Variants in RFX6 observed in about 807,000 individuals in gnomAD.
The protein encoded by RFX6 is DNA-binding protein RFX6.
Under a neutral mutation model 110.8 loss-of-function variants are expected in RFX6, and 50 were observed. The observed-to-expected ratio is 0.45, with a 90% confidence interval of 0.36 to 0.57. The LOEUF is 0.57. Ranked by LOEUF, RFX6 falls within the 20% of genes least tolerant of loss-of-function variation. The pLI, the probability that RFX6 is intolerant of heterozygous loss-of-function variation, is 0.00. For missense variants in RFX6, 990 were observed against 1,127.0 expected, an observed-to-expected ratio of 0.88 and a Z score of 1.74; for synonymous variants, 383 against 411.2, an observed-to-expected ratio of 0.93 and a Z score of 0.83.
At chr6:116,928,274 C>A (rs1006050100) in intron 17 of RFX6, among the ~76,000 whole-genome samples, 7 of 152,096 alleles carry the variant, frequency 4.6e-5, no homozygotes, top group Non-Finnish European at 5.9e-5. Flanking sequence ...GACCTGTGAC[C>A]TTGAGTCACC....
At chr6:116,928,187 C>A (rs1207998316) in intron 17 of RFX6, among the ~76,000 whole-genome samples, 6 of 151,788 alleles carry the variant, frequency 4.0e-5, no homozygotes, top group Non-Finnish European at 8.8e-5. Flanking sequence ...AATATTTCTT[C>A]CTGATAACTA....
At chr6:116,879,607 C>T (rs13199826) in intron 2 of RFX6, among the ~76,000 whole-genome samples, 54,226 of 151,528 alleles carry the variant, frequency 0.36, 10,694 homozygotes, top group East Asian at 0.51. Context: ...GGGTTTCATC[C>T]AATTTTAATC....
chr6:116,903,224 G>A (rs1483877084), intron 6 of RFX6, among the ~76,000 whole-genome samples: 1 of 152,016 alleles, frequency 6.6e-6, no homozygotes, highest in Non-Finnish European at 1.5e-5. Context: ...GTATCCAGTT[G>A]TTAACATCCA....
chr6:116,901,647 C>G (rs1321873976), intron 6 of RFX6, among the ~76,000 whole-genome samples: 3 of 152,148 alleles, frequency 2.0e-5, no homozygotes, highest in Non-Finnish European at 4.4e-5. Flanking sequence ...TAAAAAAGTG[C>G]TCAATCTAAA....
At chr6:116,891,968 G>A (rs780151067) in intron 4 of RFX6, among the ~76,000 whole-genome samples, 3 of 151,950 alleles carry the variant, frequency 2.0e-5, no homozygotes, top group Non-Finnish European at 4.4e-5. Flanking sequence ...AAAATGAGCA[G>A]TTATGATGGT....
At chr6:116,909,586 C>T (rs1249638377) in intron 6 of RFX6, among the ~76,000 whole-genome samples, 1 of 150,202 alleles carries the variant, frequency 6.7e-6, no homozygotes, top group African/African-American at 2.4e-5. Context: ...ATTAACTATG[C>T]TATTATATCA....
chr6:116,927,806 G>A (rs1204909607), intron 17 of RFX6, among the ~76,000 whole-genome samples: 1 of 146,174 alleles, frequency 6.8e-6, no homozygotes, highest in Non-Finnish European at 1.5e-5. Context: ...GTGCTTGGCA[G>A]GATCATGATT....
intron 16 of RFX6, among the ~76,000 whole-genome samples, chr6:116,926,178 CT>C (rs1775726950): frequency 6.6e-6 from 1 of 152,076 alleles, no homozygotes; most frequent in African/African-American, 2.4e-5. Context: ...ATTAGCCGGG[CT>C]TGGTGGCAGG....
chr6:116,897,614 AT>A (rs1294481406), intron 6 of RFX6, among the ~76,000 whole-genome samples: 1 of 152,202 alleles, frequency 6.6e-6, no homozygotes. Flanking sequence ...TATAAAACTC[AT>A]TCTGACCATG....
chr6:116,896,470 A>C (rs1774946414), intron 6 of RFX6, among the ~76,000 whole-genome samples: 1 of 152,226 alleles, frequency 6.6e-6, no homozygotes, highest in Non-Finnish European at 1.5e-5. Context: ...ACTCTAAATA[A>C]GTTTAAAATG....
chr6:116,920,895 T>C (rs752938802), intron 12 of RFX6, among the ~76,000 whole-genome samples: 1 of 152,204 alleles, frequency 6.6e-6, no homozygotes, highest in Non-Finnish European at 1.5e-5. Context: ...AGTTTTACAT[T>C]ACATGTATAG....
Position 116,927,520 on chromosome 6 carries a change from G to A in RFX6, c.2379G>A (p.Leu793=). ...CTGCCAGCTGCCAAGGAGCAACACT[G>A]CCTCCTAATTCACCAAATGGTATTG... ...TGAASCQGAT[L]PPNSPNGYYG... is the part of the protein sequence containing the mutation. The change falls in exon 17 of 19, where the codon CTG becomes CTA. Residue 793 remains leucine, a synonymous_variant. Transcript: ENST00000332958. 4 of 1,613,598 alleles carry A rather than the reference G, an allele frequency of 2.5e-6. No individual in the cohort carries two copies. Among genetic ancestry groups the A allele is most frequent in the Non-Finnish European group, 3.4e-6 (4 of 1,179,994 alleles).
At chr6:116,908,689 G>C (rs12201923) in intron 6 of RFX6, among the ~76,000 whole-genome samples, 11,958 of 119,098 alleles carry the variant, frequency 0.1, 769 homozygotes, top group African/African-American at 0.18. Context: ...CACACACACA[G>C]ACACACACAC....
chr6:116,889,379 T>C (rs1774771166), intron 4 of RFX6, among the ~76,000 whole-genome samples: 1 of 152,100 alleles, frequency 6.6e-6, no homozygotes, highest in Non-Finnish European at 1.5e-5. Context: ...AAAGATAAAA[T>C]TCTCATCCTC....
intron 4 of RFX6, among the ~76,000 whole-genome samples, chr6:116,883,827 C>CT (rs1354184525): frequency 6.6e-6 from 1 of 152,142 alleles, no homozygotes; most frequent in Non-Finnish European, 1.5e-5. Context: ...GGCCTTGACT[C>CT]TGTCTTTCTT....
intron 7 of RFX6, among the ~76,000 whole-genome samples, chr6:116,911,367 G>A (rs1041997945): frequency 3.9e-5 from 6 of 152,122 alleles, no homozygotes; most frequent in Non-Finnish European, 7.4e-5. Flanking sequence ...AAAGTTTTAT[G>A]TTTTCAATTA....
At chr6:116,904,499 A>G (rs1775152038) in intron 6 of RFX6, among the ~76,000 whole-genome samples, 1 of 152,058 alleles carries the variant, frequency 6.6e-6, no homozygotes, top group East Asian at 1.9e-4. Context: ...TTTTGTTCAT[A>G]TTTTTATTGT....
chr6:116,926,335 A>G (rs748166229), intron 16 of RFX6, among the ~76,000 whole-genome samples: 1 of 152,172 alleles, frequency 6.6e-6, no homozygotes, highest in Non-Finnish European at 1.5e-5. Flanking sequence ...CCATTTTAGG[A>G]TAATCGTTAC....
chr6:116,891,095 T>C (rs610424), intron 4 of RFX6, among the ~76,000 whole-genome samples: 43,441 of 152,082 alleles, frequency 0.29, 6,398 homozygotes, highest in South Asian at 0.38. Context: ...TCAGTGCTGG[T>C]CAGTGTAGTC....
Sources: allele counts gnomAD v4.1 joint callset (sites outside exome capture counted in the v4.1 genomes callset), GRCh38; gene constraint gnomAD v4.1.1; transcripts MANE v1.5; gene names NCBI Gene and HGNC (gene_info 2026-07-23, HGNC 2026-07-21).